The following DLGAP2 variants were observed in gnomAD, a reference collection of about 807,000 sequenced individuals.
DLGAP2 encodes DLG associated protein 2, also known as disks large-associated protein 2.
A neutral mutation model predicts 100.3 loss-of-function variants in DLGAP2; 26 were observed. The ratio of observed to expected loss-of-function variants is 0.26; its 90% CI spans 0.19 to 0.36. The LOEUF (loss-of-function observed/expected upper bound fraction) is 0.36, where lower values mean the gene tolerates loss of function less well. DLGAP2 is among the 10% of genes least tolerant of loss of function. The pLI is 1.00. For synonymous variants in DLGAP2, 886 were observed against 630.1 expected (o/e 1.41, Z -6.08); for missense variants, 1,858 against 1,453.2 (o/e 1.28, Z -4.53).
chr8:833,956 C>T (rs17065331), intron 1 of DLGAP2, among the ~76,000 whole-genome samples: 3,210 of 152,268 alleles, frequency 0.021, 110 homozygotes, highest in African/African-American at 0.074. Context: ...CTCAGTGGGA[C>T]GAGAATTCGT....
intron 2 of DLGAP2, among the ~76,000 whole-genome samples, chr8:920,191 T>G (rs952457629): frequency 6.6e-6 from 1 of 152,194 alleles, no homozygotes; most frequent in Non-Finnish European, 1.5e-5. Flanking sequence ...AGGAAGCTTG[T>G]GAGAGACATG....
chr8:1,384,113 C>A (rs541576448), intron 3 of DLGAP2, among the ~76,000 whole-genome samples: 21 of 152,252 alleles, frequency 1.4e-4, no homozygotes, highest in South Asian at 2.1e-4. Flanking sequence ...AGAATTAGGT[C>A]AGAATTCATT....
intron 1 of DLGAP2, among the ~76,000 whole-genome samples, chr8:898,675 G>A (rs1294394361): frequency 6.6e-6 from 1 of 152,114 alleles, no homozygotes; most frequent in Non-Finnish European, 1.5e-5. Context: ...CCTCTGTGGG[G>A]ACCTCTGGTC....
At chr8:1,362,824 G>C (rs1015148805) in intron 3 of DLGAP2, among the ~76,000 whole-genome samples, 6 of 152,226 alleles carry the variant, frequency 3.9e-5, no homozygotes, top group African/African-American at 1.4e-4. Flanking sequence ...GGGCTTCTGG[G>C]CTTCTCCTGG....
Position 1,703,565 on chromosome 8 carries a change from G to A in DLGAP2, c.*2159G>A, listed in dbSNP as rs139301921. On this transcript the variant is annotated 3_prime_UTR_variant, in exon 15 of 15. Coordinates refer to ENST00000637795, the MANE Select transcript of DLGAP2 (RefSeq NM_001346810.2). ...AGCAAAGTCAGTGTACACTCTGAGT[G>A]AAAGGAAATGTAATGTGGATAAAGG... 99 of 152,356 alleles carry A rather than the reference G, an allele frequency of 6.5e-4. No individual in the cohort carries two copies. The highest frequency in any genetic ancestry group is 2.3e-3 in the African/African-American group (94 of 41,564). 9.4% of individuals were successfully genotyped at this position (152,356 alleles called of 1,614,324 possible).
chr8:887,754 T>C (rs1046118787), intron 1 of DLGAP2, among the ~76,000 whole-genome samples: 3 of 152,188 alleles, frequency 2.0e-5, no homozygotes, highest in Non-Finnish European at 4.4e-5. Context: ...GTTAGTCTGA[T>C]GGGCTTCCCT....
intron 2 of DLGAP2, among the ~76,000 whole-genome samples, chr8:1,064,495 A>T (rs1207015020): frequency 6.6e-6 from 1 of 152,262 alleles, no homozygotes; most frequent in African/African-American, 2.4e-5. Context: ...TCAAACCAGC[A>T]TTAATGACAT....
intron 2 of DLGAP2, among the ~76,000 whole-genome samples, chr8:919,079 T>G (rs1798654716): frequency 6.6e-6 from 1 of 152,324 alleles, no homozygotes; most frequent in South Asian, 2.1e-4. Flanking sequence ...GTGCATGGAT[T>G]ATAAGCATCA....
At chr8:1,256,413 T>C (rs944694434) in intron 2 of DLGAP2, among the ~76,000 whole-genome samples, 2 of 137,706 alleles carry the variant, frequency 1.5e-5, no homozygotes, top group Admixed American at 7.3e-5. Context: ...TGCCGTCTTA[T>C]CCTGCTTGGG....
rs570546678 is a variant in DLGAP2 at position 805,439 on chromosome 8, C to T, written c.18+67614C>T. ...TTGGGGCCACTACGTTTTTATGTCC[C>T]GCTAGACTCTTCACTTATCTAAAGA... On this transcript the variant is annotated intron_variant, in intron 1 of 14. Coordinates refer to ENST00000637795, the MANE Select transcript of DLGAP2 (RefSeq NM_001346810.2). Among the ~76,000 whole-genome samples the T allele has an allele frequency of 9.9e-5, 15 of 152,130 alleles. No homozygotes were observed. The South Asian group carries it at 1.9e-3, about 19-fold the overall frequency.
At chr8:1,365,424 G>A (rs1802087534) in intron 3 of DLGAP2, among the ~76,000 whole-genome samples, 1 of 152,188 alleles carries the variant, frequency 6.6e-6, no homozygotes, top group African/African-American at 2.4e-5. Flanking sequence ...CGTGGAGGGG[G>A]AAGGGGCAGA....
chr8:962,646 G>A lies in DLGAP2; in HGVS notation c.73+54680G>A, dbSNP rs562374851. Among the ~76,000 whole-genome samples the A allele has an allele frequency of 2.6e-5, 4 of 152,190 alleles. No individual in the cohort carries two copies. In the East Asian group the frequency reaches 7.7e-4, roughly 29 times the overall value. On this transcript the variant is annotated intron_variant, in intron 2 of 14. Coordinates refer to ENST00000637795, the MANE Select transcript of DLGAP2 (RefSeq NM_001346810.2). Reference sequence around the variant, plus strand: ...TGGGAAACCAACCCTGTGACAAAATGGAGAGGCTCCGCTTGGTATTCCCGG... The same window carrying A: ...TGGGAAACCAACCCTGTGACAAAATAGAGAGGCTCCGCTTGGTATTCCCGG...
chr8:1,654,957 G>A (rs1041304636), intron 8 of DLGAP2, among the ~76,000 whole-genome samples: 7 of 152,180 alleles, frequency 4.6e-5, no homozygotes, highest in Admixed American at 2.0e-4. Flanking sequence ...AGTTCTCGCC[G>A]TGTGATGTGA....
intron 2 of DLGAP2, among the ~76,000 whole-genome samples, chr8:1,081,563 C>G (rs550665844): frequency 6.6e-6 from 1 of 152,286 alleles, no homozygotes; most frequent in African/African-American, 2.4e-5. Context: ...GTTGGCCAGG[C>G]TGGTCTTGAA....
At chr8:1,312,599 G>A (rs138807007) in intron 3 of DLGAP2, among the ~76,000 whole-genome samples, 1 of 152,318 alleles carries the variant, frequency 6.6e-6, no homozygotes, top group Non-Finnish European at 1.5e-5. Context: ...TGCAATGCAT[G>A]TGCAGCGTTG....
chr8:767,192 T>C (rs1184197924), intron 1 of DLGAP2, among the ~76,000 whole-genome samples: 1 of 152,054 alleles, frequency 6.6e-6, no homozygotes, highest in East Asian at 1.9e-4. Flanking sequence ...TCCTGGATCC[T>C]TGTGGTCCTG....
intron 1 of DLGAP2, among the ~76,000 whole-genome samples, chr8:905,647 C>T (rs1798363535): frequency 6.6e-6 from 1 of 152,112 alleles, no homozygotes; most frequent in East Asian, 1.9e-4. Flanking sequence ...CTCCCGTGAG[C>T]ACCTCCAGTG....
chr8:1,662,311 C>T (rs1798426219), intron 8 of DLGAP2, among the ~76,000 whole-genome samples: 1 of 152,220 alleles, frequency 6.6e-6, no homozygotes, highest in African/African-American at 2.4e-5. Flanking sequence ...CAGTTTGGGT[C>T]ATGGAGTGTC....
chr8:1,507,982 C>G (rs1348242850), intron 4 of DLGAP2, among the ~76,000 whole-genome samples: 1 of 151,948 alleles, frequency 6.6e-6, no homozygotes, highest in African/African-American at 2.4e-5. Flanking sequence ...CATGAAAGGC[C>G]TAGTCTGTGG....
Sources: allele counts gnomAD v4.1 joint callset (sites outside exome capture counted in the v4.1 genomes callset), GRCh38; gene constraint gnomAD v4.1.1; transcripts MANE v1.5; gene names NCBI Gene and HGNC (gene_info 2026-07-23, HGNC 2026-07-21).